The following MAD1L1 variants were observed in gnomAD, a reference collection of about 807,000 sequenced individuals.
The protein encoded by MAD1L1 is mitotic spindle assembly checkpoint protein MAD1.
MAD1L1 carries 95 observed loss-of-function variants against 96.9 expected under a neutral mutation model. The observed-to-expected ratio is 0.98, with a 90% confidence interval of 0.83 to 1.16. The LOEUF is 1.16. Among genes scored for constraint, MAD1L1 ranks in the 50% most tolerant of loss-of-function variants. The probability of loss-of-function intolerance (pLI) is 0.00; values close to 1 mark genes in which losing one functional copy is unlikely to be tolerated. For synonymous variants in MAD1L1, 473 were observed against 396.6 expected (o/e 1.19, Z -2.29); for missense variants, 1,007 against 954.4 (o/e 1.06, Z -0.73).
intron 15 of MAD1L1, among the ~76,000 whole-genome samples, chr7:1,959,467 C>G (rs538633128): frequency 1.3e-5 from 2 of 152,222 alleles, no homozygotes; most frequent in South Asian, 2.1e-4. Context: ...TCAACAGACA[C>G]GAGGCAGCGC....
intron 17 of MAD1L1, among the ~76,000 whole-genome samples, chr7:1,920,202 G>T (rs1393551126): frequency 1.3e-5 from 2 of 152,220 alleles, no homozygotes; most frequent in African/African-American, 4.8e-5. Flanking sequence ...GCCTGTCATT[G>T]CGTGAGCCAA....
Position 1,911,631 on chromosome 7 carries a change from C to T in MAD1L1, c.1808-13241G>A, listed in dbSNP as rs146072173. ...TCTGCAAGGCCAGACTCCGGCGTCA[C>T]CTCCAGATGAGGCCCCTCTTGGGCA... is the stretch of plus-strand genomic sequence containing the variant. On this transcript the variant is annotated intron_variant, in intron 17 of 18. Coordinates refer to ENST00000265854, the MANE Select transcript of MAD1L1 (RefSeq NM_001013836.2). 1.6e-3 allele frequency among the ~76,000 whole-genome samples: 240 copies of T among 152,350 alleles called. 3 individuals carry two copies. Among genetic ancestry groups the T allele is most frequent in the African/African-American group, 5.1e-3 (210 of 41,576 alleles).
chr7:2,160,479 C>T (rs1310618339), intron 10 of MAD1L1, among the ~76,000 whole-genome samples: 1 of 151,650 alleles, frequency 6.6e-6, no homozygotes, highest in Non-Finnish European at 1.5e-5. Context: ...ACTACAGGCG[C>T]CCACCACCAT....
chr7:2,226,980 T>A (rs1361212590), intron 3 of MAD1L1, among the ~76,000 whole-genome samples: 2 of 122,496 alleles, frequency 1.6e-5, no homozygotes, highest in East Asian at 4.8e-4. Flanking sequence ...GGGCAAGAGT[T>A]CGTCTCAAAA....
At chr7:2,222,526 TCC>T (rs1226306558) in intron 5 of MAD1L1, 47 bp downstream of exon 5, 29 of 1,487,318 alleles carry the variant, frequency 1.9e-5, no homozygotes, top group Non-Finnish European at 2.6e-5. Context: ...GAGCATGCAC[TCC>T]CTCTCCTCGG....
At chr7:2,199,069 TG>T (rs1792145329) in intron 10 of MAD1L1, among the ~76,000 whole-genome samples, 1 of 152,206 alleles carries the variant, frequency 6.6e-6, no homozygotes. Context: ...CAGAGTGCAC[TG>T]GGGCCTGTAT....
intron 18 of MAD1L1, among the ~76,000 whole-genome samples, chr7:1,825,111 G>A (rs557475077): frequency 1.3e-5 from 2 of 152,292 alleles, no homozygotes; most frequent in Non-Finnish European, 1.5e-5. Flanking sequence ...TTGTAATTAG[G>A]AAAAATGTAT....
chr7:2,055,450 G>A (rs1244272898), intron 12 of MAD1L1, among the ~76,000 whole-genome samples: 1 of 152,090 alleles, frequency 6.6e-6, no homozygotes, highest in Non-Finnish European at 1.5e-5. Flanking sequence ...GAGACATGGG[G>A]ACCGCAGGCT....
chr7:2,106,123 G>A (rs1314665488), intron 11 of MAD1L1, among the ~76,000 whole-genome samples: 6 of 133,692 alleles, frequency 4.5e-5, no homozygotes, highest in African/African-American at 1.7e-4. Context: ...ACCCTGCCCA[G>A]CACACAGTCC....
chr7:1,941,794 G>A (rs1779013440), intron 16 of MAD1L1, among the ~76,000 whole-genome samples: 1 of 152,252 alleles, frequency 6.6e-6, no homozygotes, highest in Non-Finnish European at 1.5e-5. Flanking sequence ...CGCTGACCAG[G>A]GCTGAGAACA....
At chr7:2,061,398 C>G (rs57907973) in intron 12 of MAD1L1, among the ~76,000 whole-genome samples, 19,892 of 152,158 alleles carry the variant, frequency 0.13, 1,870 homozygotes, top group African/African-American at 0.26. Flanking sequence ...GGGGTAGGAA[C>G]AGAAAGCCTG....
chr7:2,061,015 A>G (rs1233717064), intron 12 of MAD1L1, among the ~76,000 whole-genome samples: 1 of 152,244 alleles, frequency 6.6e-6, no homozygotes. Flanking sequence ...GTAAAGAACT[A>G]CAACTCAGTA....
At chr7:1,988,922 T>C (rs1004701914) in intron 14 of MAD1L1, among the ~76,000 whole-genome samples, 1 of 152,168 alleles carries the variant, frequency 6.6e-6, no homozygotes, top group African/African-American at 2.4e-5. Context: ...CAGATGGCCA[T>C]CTCCTCCCTG....
intron 10 of MAD1L1, among the ~76,000 whole-genome samples, chr7:2,165,364 G>A (rs1790374918): frequency 6.6e-6 from 1 of 152,208 alleles, no homozygotes; most frequent in Non-Finnish European, 1.5e-5. Flanking sequence ...GAGTGCACAT[G>A]TTCCACTTGT....
intron 18 of MAD1L1, among the ~76,000 whole-genome samples, chr7:1,858,235 C>G (rs912049011): frequency 6.6e-6 from 1 of 152,216 alleles, no homozygotes; most frequent in Non-Finnish European, 1.5e-5. Flanking sequence ...GGCAGAGTCC[C>G]CTGCTCGCCA....
chr7:1,958,480 G>A (rs148151294), intron 15 of MAD1L1, among the ~76,000 whole-genome samples: 23 of 152,344 alleles, frequency 1.5e-4, no homozygotes, highest in African/African-American at 5.5e-4. Context: ...AGCAGGGACA[G>A]CTATTCCAGC....
At chr7:2,211,750 G>A (rs1490227088) in intron 10 of MAD1L1, among the ~76,000 whole-genome samples, 1 of 152,250 alleles carries the variant, frequency 6.6e-6, no homozygotes, top group African/African-American at 2.4e-5. Flanking sequence ...CAAAGAAAAT[G>A]AAGAGGCACT....
intron 11 of MAD1L1, among the ~76,000 whole-genome samples, chr7:2,076,961 C>T (rs1050099202): frequency 1.4e-5 from 2 of 140,212 alleles, no homozygotes; most frequent in African/African-American, 5.9e-5. Context: ...GCCCGCGGCA[C>T]GGTGAGCCCG....
At chr7:1,940,974 C>CCCTCCTCTTCCTCTCCCAGCCCTCAG (rs1778950167) in intron 16 of MAD1L1, among the ~76,000 whole-genome samples, 1 of 114,150 alleles carries the variant, frequency 8.8e-6, no homozygotes, top group Admixed American at 8.1e-5. Flanking sequence ...GCAGGCCTCA[C>CCCTCCTCTTCCTCTCCCAGCCCTCAG]CCTCCTCTTC....
Sources: allele counts gnomAD v4.1 joint callset (sites outside exome capture counted in the v4.1 genomes callset), GRCh38; gene constraint gnomAD v4.1.1; transcripts MANE v1.5; gene names NCBI Gene and HGNC (gene_info 2026-07-23, HGNC 2026-07-21).